The following ASPSCR1 variants were observed in gnomAD, a reference collection of about 807,000 sequenced individuals.
ASPSCR1 encodes ASPSCR1 tether for SLC2A4, UBX domain containing.
ASPSCR1 carries 55 observed loss-of-function variants against 68.9 expected under a neutral mutation model. The ratio of observed to expected loss-of-function variants is 0.80; its 90% confidence interval spans 0.64 to 1.00. ASPSCR1 has a LOEUF of 1.00. Ranked by LOEUF, ASPSCR1 falls within the 50% of genes least tolerant of loss-of-function variation. The pLI is 0.00. For missense variants in ASPSCR1, 765 were observed against 762.2 expected (o/e 1.00, Z -0.04); for synonymous variants, 352 against 332.6 (o/e 1.06, Z -0.63).
chr17:81,995,501 A>G, intron 5 of ASPSCR1: 1 of 263,218 alleles, frequency 3.8e-6, no homozygotes, highest in Non-Finnish European at 7.4e-6. Flanking sequence ...GTGCTGGGCC[A>G]TTGACTGTGC....
rs746835737 is a variant in ASPSCR1, at chr17:81,983,586, A to C, written c.191A>C (p.Gln64Pro). 6.2e-7 allele frequency: 1 copy of C among 1,613,402 alleles called. No individual in the cohort carries two copies. The highest frequency in any genetic ancestry group is 1.1e-5 in the South Asian group (1 of 90,944). ...FQRSVLDLSLQWRFANLPNNA... is the reference protein window; with the variant it reads ...FQRSVLDLSLPWRFANLPNNA... ...AGGAGCGTGCTCGACCTTTCTCTCC[A>C]GTGGAGATTTGCCAACCTGCCCAAC... Residue 64 changes from glutamine (Q) to proline (P), a missense_variant, in exon 3 of 16, where the codon CAG becomes CCG. Gln to Pro is a moderately conservative substitution (Grantham distance 76). Coordinates refer to ENST00000306739, the MANE Select transcript of ASPSCR1 (RefSeq NM_024083.4). The surrounding 1 kb of genome is among the most constrained non-coding windows in gnomAD (Gnocchi z 4.4).
Position 81,977,881 on chromosome 17 carries a change from GC to G in ASPSCR1, c.102+137del, listed in dbSNP as rs2041657012. On this transcript the variant is annotated intron_variant, in intron 1 of 15. Coordinates refer to ENST00000306739, the MANE Select transcript of ASPSCR1 (RefSeq NM_024083.4). The surrounding 1 kb of genome is among the most constrained non-coding windows in gnomAD (Gnocchi z 5.0). ...CCAATGAGCGGCCTCCTGAGCGGCG[GC>G]CCCGCCCCCTGCTCGCCGTCACCTG... 2 of 602,110 alleles carry G rather than the reference GC, an allele frequency of 3.3e-6. No homozygotes were observed. The highest frequency in any genetic ancestry group is 2.3e-6 in the Non-Finnish European group (1 of 429,884). The allele number at this position is 602,110 out of a possible 1,614,324, so 37.3% of individuals were successfully genotyped here.
rs555116531 is a variant in ASPSCR1, at chr17:81,987,016, G to C, written c.374+1409G>C. On this transcript the variant is annotated intron_variant, in intron 4 of 15. Coordinates refer to ENST00000306739, the MANE Select transcript of ASPSCR1 (RefSeq NM_024083.4). The surrounding 1 kb of genome is among the most constrained non-coding windows in gnomAD (Gnocchi z 5.6). ...ACGGAACTCAGACAACAGTGACGGA[G>C]CCTAAGAGCAAAGCCAAAGCCACGG... Among the ~76,000 whole-genome samples the C allele has an allele frequency of 1.9e-3, 282 of 152,278 alleles. 1 individual carries two copies. The highest frequency in any genetic ancestry group is 6.6e-3 in the African/African-American group (273 of 41,540).
At chr17:82,004,342 A>G (rs960886128) in intron 7 of ASPSCR1, 2 of 151,634 alleles carry the variant, frequency 1.3e-5, no homozygotes, top group Non-Finnish European at 2.9e-5. Context: ...GCCCCCTTCC[A>G]GTTTCGGGGC....
intron 10 of ASPSCR1, 125 bp from the exon 11 acceptor site, chr17:82,011,418 A>C: frequency 1.1e-6 from 1 of 898,576 alleles, no homozygotes; most frequent in Non-Finnish European, 1.7e-6. Context: ...TGTGGGAGGA[A>C]CAGGGCTGAA....
intron 7 of ASPSCR1, among the ~76,000 whole-genome samples, chr17:82,003,703 G>A (rs1053657610): frequency 1.3e-5 from 2 of 152,214 alleles, no homozygotes; most frequent in South Asian, 2.1e-4. Flanking sequence ...AGGCAGTCCC[G>A]CCTGCGTCCT....
At position 82,011,555 on chromosome 17, in the gene ASPSCR1, G is replaced by A. The variant is rs149012488; in HGVS notation, c.1250G>A (p.Arg417Gln). The change falls in exon 11 of 16, where the codon CGA becomes CAA. Residue 417 changes from arginine to glutamine, a missense_variant. Coordinates refer to ENST00000306739, the MANE Select transcript of ASPSCR1 (RefSeq NM_024083.4). ...FRPSETVGDL[R>Q]DFVRSHLGNP... ...TTCTCCTCTGCAGTGGGGGACTTGC[G>A]AGACTTCGTGAGGAGCCACCTGGGG... 54 of 1,579,228 alleles carry A rather than the reference G, an allele frequency of 3.4e-5. No individual in the cohort carries two copies. Among genetic ancestry groups the A allele is most frequent in the Non-Finnish European group, 3.5e-5 (41 of 1,169,428 alleles).
Position 82,010,869 on chromosome 17 carries a change from G to T in ASPSCR1, c.1237+1G>T. ...GGCTTCTTCCGCCCCAGCGAGACAGGTGGGCAGCGCTGTGGGGTGTCCGGG... is the reference window on the plus strand; with the variant it reads ...GGCTTCTTCCGCCCCAGCGAGACAGTTGGGCAGCGCTGTGGGGTGTCCGGG... On this transcript the variant is annotated splice_donor_variant, in intron 10 of 15. Coordinates refer to ENST00000306739, the MANE Select transcript of ASPSCR1 (RefSeq NM_024083.4). LOFTEE classifies it high-confidence loss of function. 6.2e-7 allele frequency: 1 copy of T among 1,612,048 alleles called. No individual in the cohort carries two copies. The highest frequency in any genetic ancestry group is 8.5e-7 in the Non-Finnish European group (1 of 1,179,878).
rs375486854 is a variant in ASPSCR1, at chr17:81,996,754, A to G, written c.841A>G (p.Lys281Glu). 2 of 1,613,078 alleles carry G rather than the reference A, an allele frequency of 1.2e-6. No homozygotes were observed. The highest frequency in any genetic ancestry group is 1.3e-5 in the African/African-American group (1 of 74,890). Residue 281 changes from lysine (K) to glutamate (E), a missense_variant, in exon 7 of 16, where the codon AAG becomes GAG. Physicochemically the swap from Lys to Glu is moderately conservative, Grantham distance 56. Transcript: ENST00000306739. Reference sequence around the variant, plus strand: ...CCTCTCCAGCCCTGGAGGCCCCTCCAAGCCAAAGAAGTCCAAGTCGGGCCA... The same window carrying G: ...CCTCTCCAGCCCTGGAGGCCCCTCCGAGCCAAAGAAGTCCAAGTCGGGCCA... ...KSLSSPGGPS[K>E]PKKSKSGQDP...
chr17:81,991,772 G>A (rs2042175277), intron 4 of ASPSCR1, among the ~76,000 whole-genome samples: 1 of 152,228 alleles, frequency 6.6e-6, no homozygotes, highest in Non-Finnish European at 1.5e-5. Flanking sequence ...CTGGCCTGCA[G>A]CCACAGCTTC....
At position 82,010,002 on chromosome 17, in the gene ASPSCR1, C is replaced by T. The variant is rs527824542; in HGVS notation, c.1170+435C>T. The T allele has an allele frequency of 4.6e-5, 14 of 306,920 alleles. No homozygotes were observed. In the East Asian group the frequency reaches 9.5e-4, roughly 21 times the overall value. The allele number at this position is 306,920 out of a possible 1,614,324, so 19.0% of individuals were successfully genotyped here. ...TCAGCTCACTGCAAGCTCCGCCTCC[C>T]GGGTTCAAGTGGTTCTCCTGCCTCA... On this transcript the variant is annotated intron_variant, in intron 9 of 15. Coordinates refer to ENST00000306739, the MANE Select transcript of ASPSCR1 (RefSeq NM_024083.4).
Position 82,009,553 on chromosome 17 carries a change from G to A in ASPSCR1, c.1156G>A (p.Glu386Lys). The change falls in exon 9 of 16, where the codon GAG becomes AAG. Residue 386 changes from glutamate to lysine, a missense_variant. By Grantham distance (56) the Glu-to-Lys change is moderately conservative. Coordinates refer to ENST00000306739, the MANE Select transcript of ASPSCR1 (RefSeq NM_024083.4). ...GGAGGCGCAGATAAAGGAGAAGCTG[G>A]AGCGCTACCCAAAGGTCTGCAGACA... Reference protein sequence around the residue: ...FREAQIKEKLERYPKVALRVL... With the variant: ...FREAQIKEKLKRYPKVALRVL... The A allele has an allele frequency of 7.4e-7, 1 of 1,342,714 alleles. No individual in the cohort carries two copies. The highest frequency in any genetic ancestry group is 9.7e-7 in the Non-Finnish European group (1 of 1,030,636). 83.2% of individuals were successfully genotyped at this position (1,342,714 alleles called of 1,614,324 possible). A position where few individuals can be genotyped will look rare whatever the true frequency, so the allele number is the denominator to read the frequency against.
chr17:82,016,486 TC>T lies in ASPSCR1; in HGVS notation c.1367del (p.Pro456ArgfsTer80). 1 of 1,548,466 alleles carries T rather than the reference TC, an allele frequency of 6.5e-7. No individual in the cohort carries two copies. Among genetic ancestry groups the T allele is most frequent in the Non-Finnish European group, 8.7e-7 (1 of 1,147,032 alleles). The stretch of plus-strand genomic sequence containing the variant: ...CCGCCCTCCCTGCAGGCGAACCTCT[TC>T]CCGGCCGCTCTGGTGCACTTGGGAG... ...HTQTLFQANL[F>X]PAALVHLGAE... On this transcript the variant is annotated frameshift_variant, in exon 13 of 16. Transcript: ENST00000306739. LOFTEE classifies it high-confidence loss of function.
chr17:81,995,103 C>G (rs2042294177), intron 5 of ASPSCR1: 1 of 541,614 alleles, frequency 1.8e-6, no homozygotes, highest in Non-Finnish European at 3.2e-6. Context: ...TCTCTCAAAG[C>G]CCAAGAGTCA....
chr17:82,002,938 G>A (rs955920042), intron 7 of ASPSCR1, among the ~76,000 whole-genome samples: 1 of 151,494 alleles, frequency 6.6e-6, no homozygotes, highest in African/African-American at 2.4e-5. Flanking sequence ...GTGGTGGTGC[G>A]ATCTCTGCTC....
chr17:82,000,242 C>T (rs1016235517), intron 7 of ASPSCR1, among the ~76,000 whole-genome samples: 12 of 152,228 alleles, frequency 7.9e-5, no homozygotes, highest in African/African-American at 1.4e-4. Context: ...GTCTGCAGAG[C>T]GTGGGGCGTG....
chr17:81,998,498 A>G (rs1413629958), intron 7 of ASPSCR1, among the ~76,000 whole-genome samples: 2 of 152,178 alleles, frequency 1.3e-5, no homozygotes, highest in Admixed American at 6.5e-5. Flanking sequence ...TGATCGTAAC[A>G]GGAATTACTA....
intron 6 of ASPSCR1, 99 bp from the exon 7 acceptor site, chr17:81,996,321 G>C: frequency 6.7e-7 from 1 of 1,491,998 alleles, no homozygotes; most frequent in Non-Finnish European, 8.9e-7. Flanking sequence ...GGGCGGGAGA[G>C]GGTGAGCCGG....
At chr17:81,991,235 A>T (rs947579903) in intron 4 of ASPSCR1, among the ~76,000 whole-genome samples, 1 of 152,122 alleles carries the variant, frequency 6.6e-6, no homozygotes, top group African/African-American at 2.4e-5. Context: ...TGGCGTGGGC[A>T]CCCCAGGTGG....
Sources: gnomAD v4.1 joint callset for allele counts (sites outside exome capture counted in the v4.1 genomes callset) on GRCh38, gnomAD v4.1.1 for gene constraint, Gnocchi (gnomAD v3.1) non-coding constraint, MANE v1.5 for transcripts, NCBI Gene and HGNC (gene_info 2026-07-23, HGNC 2026-07-21) for gene names.